CDH2: variants seen among roughly 807,000 people sequenced by gnomAD.
CDH2 encodes the protein cadherin 2, also known as cadherin-2.
In CDH2, 17 loss-of-function variants were observed where a neutral mutation model predicts 92.0. The ratio of observed to expected loss-of-function variants is 0.18; its 90% CI spans 0.13 to 0.28. The LOEUF is 0.28. Among genes scored for constraint, CDH2 ranks in the 10% least tolerant of loss-of-function variants. CDH2 has a pLI of 1.00. For synonymous variants in CDH2, 419 were observed against 415.9 expected (o/e 1.01, Z -0.09); for missense variants, 862 against 1,133.1 (o/e 0.76, Z 3.44).
At chr18:28,174,764 C>T (rs1036161145) in intron 1 of CDH2, among the ~76,000 whole-genome samples, 4 of 152,192 alleles carry the variant, frequency 2.6e-5, no homozygotes, top group Admixed American at 6.5e-5. Context: ...TCATGACCAA[C>T]AAATGTCTCT....
At chr18:28,092,113 G>A (rs1027312994) in intron 2 of CDH2, among the ~76,000 whole-genome samples, 1 of 151,852 alleles carries the variant, frequency 6.6e-6, no homozygotes, top group Admixed American at 6.6e-5. Flanking sequence ...TTAGGATTTC[G>A]ACATATGAAT....
rs1255915233 is a variant in CDH2, at chr18:28,108,152, C to T, written c.172+39521G>A. Among the ~76,000 whole-genome samples, 4 of 152,088 alleles carry T rather than the reference C, an allele frequency of 2.6e-5. No individual in the cohort carries two copies. In the East Asian group the frequency reaches 5.8e-4, roughly 22 times the overall value. ...AGAAGTAAAAACTACCCTTACTTAT[C>T]CCATTAACAGATAGGTGTTGAGAGG... On this transcript the variant is annotated intron_variant, in intron 2 of 15. Coordinates refer to ENST00000269141, the MANE Select transcript of CDH2 (RefSeq NM_001792.5).
chr18:27,976,351 A>G (rs145075983), intron 14 of CDH2, among the ~76,000 whole-genome samples: 438 of 152,286 alleles, frequency 2.9e-3, no homozygotes, highest in African/African-American at 0.01. Flanking sequence ...ATAGATTATG[A>G]GTTCTCACAG....
At chr18:28,019,624 A>G (rs1459958661) in intron 2 of CDH2, among the ~76,000 whole-genome samples, 2 of 152,112 alleles carry the variant, frequency 1.3e-5, no homozygotes, top group African/African-American at 2.4e-5. Flanking sequence ...CACTAGAGAA[A>G]ACACTTTAGA....
At chr18:28,086,603 C>G (rs1440111622) in intron 2 of CDH2, among the ~76,000 whole-genome samples, 2 of 152,184 alleles carry the variant, frequency 1.3e-5, no homozygotes, top group East Asian at 3.9e-4. Flanking sequence ...GACCATGGTT[C>G]TAAATAATAT....
At position 28,007,165 on chromosome 18, in the gene CDH2, A is replaced by AAAAAAATATATATATAT. The variant is rs1172779200; in HGVS notation, c.703-1173_703-1172insATATATATATATTTTTT. 3.8e-3 allele frequency among the ~76,000 whole-genome samples: 419 copies of AAAAAAATATATATATAT among 110,324 alleles called. 5 individuals are homozygous for AAAAAAATATATATATAT. The highest frequency in any genetic ancestry group is 0.017 in the African/African-American group (389 of 22,442). 72.4% of individuals were successfully genotyped at this position (110,324 alleles called of 152,430 possible). A position where few individuals can be genotyped will look rare whatever the true frequency, so the allele number is the denominator to read the frequency against. ...ACAGAGTGAGACTCCATAAAAAAAA[A>AAAAAAATATATATATAT]ATATATATATATATATATATATATA... On this transcript the variant is annotated intron_variant, in intron 5 of 15. Coordinates refer to ENST00000269141, the MANE Select transcript of CDH2 (RefSeq NM_001792.5).
At chr18:27,956,908 G>A (rs2011260044) in intron 15 of CDH2, among the ~76,000 whole-genome samples, 1 of 152,100 alleles carries the variant, frequency 6.6e-6, no homozygotes, top group Non-Finnish European at 1.5e-5. Context: ...GTAACCTACA[G>A]CATACAGTAA....
intron 6 of CDH2, among the ~76,000 whole-genome samples, chr18:27,937,030 C>A (rs1909035725): frequency 6.6e-6 from 1 of 152,178 alleles, no homozygotes; most frequent in Admixed American, 6.5e-5. Context: ...TACATTCATT[C>A]ATATTCAAAA....
chr18:28,051,381 C>T (rs2014187195), intron 2 of CDH2, among the ~76,000 whole-genome samples: 1 of 152,126 alleles, frequency 6.6e-6, no homozygotes, highest in Non-Finnish European at 1.5e-5. Flanking sequence ...AGATTTCAAA[C>T]TAATCCCTGC....
At chr18:28,083,658 T>C (rs1000137981) in intron 2 of CDH2, among the ~76,000 whole-genome samples, 1 of 152,174 alleles carries the variant, frequency 6.6e-6, no homozygotes, top group African/African-American at 2.4e-5. Context: ...TAGTTCCCTA[T>C]ACCTTACTTA....
chr18:28,072,193 T>A lies in CDH2; in HGVS notation c.173-58284A>T, dbSNP rs180785890. ...GTTTTCCTTATCAGTCTCTTCTACCTCTCTCTTGGGTATGGGTGTGTTCCT... is the reference window on the plus strand; with the variant it reads ...GTTTTCCTTATCAGTCTCTTCTACCACTCTCTTGGGTATGGGTGTGTTCCT... On this transcript the variant is annotated intron_variant, in intron 2 of 15. Transcript: ENST00000269141. Among the ~76,000 whole-genome samples, 15 of 152,152 alleles carry A rather than the reference T, an allele frequency of 9.9e-5. No homozygotes were observed. In the East Asian group the frequency reaches 2.3e-3, roughly 24 times the overall value.
At chr18:27,954,490 C>T (rs1263372201) in intron 15 of CDH2, 1 of 152,340 alleles carries the variant, frequency 6.6e-6, no homozygotes, top group Non-Finnish European at 1.5e-5. Context: ...TCCACCCTTC[C>T]ACTAATCCCC....
intron 14 of CDH2, among the ~76,000 whole-genome samples, chr18:27,980,007 G>A (rs1464555537): frequency 6.6e-6 from 1 of 152,186 alleles, no homozygotes; most frequent in Non-Finnish European, 1.5e-5. Flanking sequence ...GAAACCATAA[G>A]ATAGCAGAGA....
intron 14 of CDH2, 24 bp from the exon 15 acceptor site, chr18:27,963,545 C>T: frequency 6.2e-7 from 1 of 1,609,610 alleles, no homozygotes; most frequent in Admixed American, 1.7e-5. Context: ...AAATCAAAAA[C>T]CGATGGGAGA....
intron 2 of CDH2, among the ~76,000 whole-genome samples, chr18:28,047,868 C>CAAACAAAAA (rs2014111330): frequency 2.1e-5 from 1 of 46,946 alleles, no homozygotes; most frequent in African/African-American, 9.1e-5. Flanking sequence ...GACTCCATCT[C>CAAACAAAAA]AAAAAAAAAA....
At chr18:28,092,367 T>G (rs1424513388) in intron 2 of CDH2, among the ~76,000 whole-genome samples, 6 of 152,116 alleles carry the variant, frequency 3.9e-5, no homozygotes. Flanking sequence ...ATTACCTTCA[T>G]GTATAAATAT....
At chr18:28,153,098 A>G (rs1334463750) in intron 1 of CDH2, among the ~76,000 whole-genome samples, 1 of 152,170 alleles carries the variant, frequency 6.6e-6, no homozygotes, top group Non-Finnish European at 1.5e-5. Context: ...AAGTCAAGGA[A>G]GACTCCATAG....
chr18:28,033,033 G>T (rs563372870), intron 2 of CDH2, among the ~76,000 whole-genome samples: 2 of 152,124 alleles, frequency 1.3e-5, no homozygotes, highest in Non-Finnish European at 2.9e-5. Flanking sequence ...GGGAGAAAGG[G>T]AAATAACTGA....
chr18:27,946,610 T>G (rs1443949507), downstream of CDH2, among the ~76,000 whole-genome samples: 1 of 152,000 alleles, frequency 6.6e-6, no homozygotes, highest in Non-Finnish European at 1.5e-5. Context: ...ATGTATATAA[T>G]CCAGAGCATA....
Sources: allele counts gnomAD v4.1 joint callset (sites outside exome capture counted in the v4.1 genomes callset), GRCh38; gene constraint gnomAD v4.1.1; transcripts MANE v1.5; gene names NCBI Gene and HGNC (gene_info 2026-07-23, HGNC 2026-07-21).